Variants in SNX1 observed in about 807,000 individuals in gnomAD.
The protein encoded by SNX1 is sorting nexin 1, also known as sorting nexin-1.
A neutral mutation model predicts 71.8 loss-of-function variants in SNX1; 36 were observed. That is an observed-to-expected ratio of 0.50 (90% CI 0.38 to 0.66). The LOEUF (loss-of-function observed/expected upper bound fraction) is 0.66, where lower values mean the gene tolerates loss of function less well. Ranked by LOEUF, SNX1 falls within the 30% of genes least tolerant of loss-of-function variation. The pLI, the probability that SNX1 is intolerant of heterozygous loss-of-function variation, is 0.00. For missense variants in SNX1, 612 were observed against 646.7 expected, an observed-to-expected ratio of 0.95 and a Z score of 0.58; for synonymous variants, 254 against 240.7, an observed-to-expected ratio of 1.06 and a Z score of -0.51.
intron 4 of SNX1, among the ~76,000 whole-genome samples, chr15:64,120,295 G>A (rs1243688838): frequency 6.0e-5 from 8 of 132,998 alleles, no homozygotes; most frequent in African/African-American, 1.4e-4. Flanking sequence ...TTTTTGAGAC[G>A]GGGTCTCACT....
At chr15:64,125,265 G>T (rs576436214) in intron 5 of SNX1, among the ~76,000 whole-genome samples, 2 of 151,988 alleles carry the variant, frequency 1.3e-5, no homozygotes, top group South Asian at 4.2e-4. Flanking sequence ...GAGTTCGAGA[G>T]CAGCCCGGCC....
intron 1 of SNX1, among the ~76,000 whole-genome samples, chr15:64,098,540 A>G (rs932779473): frequency 1.3e-5 from 2 of 152,170 alleles, no homozygotes; most frequent in African/African-American, 2.4e-5. Flanking sequence ...TAAAAATACA[A>G]AAATTATCTG....
At chr15:64,100,687 T>G (rs1288349878) in intron 1 of SNX1, among the ~76,000 whole-genome samples, 1 of 152,112 alleles carries the variant, frequency 6.6e-6, no homozygotes, top group Non-Finnish European at 1.5e-5. Context: ...ACAAATAGTT[T>G]AGAGAGTTAT....
chr15:64,112,740 G>C (rs1256017350), intron 2 of SNX1, 56 bp downstream of exon 2: 2 of 1,154,938 alleles, frequency 1.7e-6, no homozygotes, highest in Non-Finnish European at 1.2e-6. Flanking sequence ...TTGTTAAGTT[G>C]CTGAGTTAAA....
intron 5 of SNX1, among the ~76,000 whole-genome samples, chr15:64,124,171 T>TATATATATATATATATAC (rs1343629363): frequency 7.0e-6 from 1 of 142,712 alleles, no homozygotes; most frequent in African/African-American, 2.8e-5. Context: ...TATATATATA[T>TATATATATATATATATAC]ATATATATGA....
chr15:64,110,985 C>T (rs1415741986), intron 1 of SNX1, among the ~76,000 whole-genome samples: 3 of 152,138 alleles, frequency 2.0e-5, no homozygotes, highest in Non-Finnish European at 2.9e-5. Context: ...GTTTTAATCT[C>T]CCCCGTGAGC....
rs1199521055 is a variant in SNX1 at position 64,118,230 on chromosome 15, C to G, written c.385C>G (p.Pro129Ala). The change falls in exon 3 of 15, where the codon CCA (proline) becomes GCA (alanine). Residue 129 changes from proline (P) to alanine (A), a missense_variant. Pro to Ala is a conservative substitution (Grantham distance 27, BLOSUM62 -1). Coordinates refer to ENST00000559844, the MANE Select transcript of SNX1 (RefSeq NM_003099.5). ...QEATNSSKPQPTYEELEEEEQ... is the reference protein window; with the variant it reads ...QEATNSSKPQATYEELEEEEQ... The stretch of plus-strand genomic sequence containing the variant: ...AGCCACAAATTCTTCGAAGCCCCAG[C>G]CAACCTATGAGGAGGTGAGGATCTG... The G allele has an allele frequency of 6.2e-7, 1 of 1,613,174 alleles. No homozygotes were observed. The highest frequency in any genetic ancestry group is 2.2e-5 in the East Asian group (1 of 44,884).
rs1158219265 is a variant in SNX1, at chr15:64,140,044, G to C, written c.*2426G>C. 6.6e-6 allele frequency: 1 copy of C among 152,212 alleles called. No individual in the cohort carries two copies. Among genetic ancestry groups the C allele is most frequent in the Non-Finnish European group, 1.5e-5 (1 of 68,044 alleles). The allele number at this position is 152,212 out of a possible 1,614,324, so 9.4% of individuals were successfully genotyped here. A position where few individuals can be genotyped will look rare whatever the true frequency, so the allele number is the denominator to read the frequency against. ...AACTCTGTTCACCGCTTAGGTTGGTGTCTGCCAGATTTCATTTTAAATTTA... is the reference window on the plus strand; with the variant it reads ...AACTCTGTTCACCGCTTAGGTTGGTCTCTGCCAGATTTCATTTTAAATTTA... On this transcript the variant is annotated 3_prime_UTR_variant, in exon 15 of 15. Transcript: ENST00000559844.
intron 11 of SNX1, among the ~76,000 whole-genome samples, chr15:64,132,579 G>A (rs548053635): frequency 1.3e-5 from 2 of 152,176 alleles, no homozygotes; most frequent in Non-Finnish European, 2.9e-5. Flanking sequence ...ATTAGCTGTC[G>A]CATGGCCTCC....
At chr15:64,109,088 A>G (rs1167155808) in intron 1 of SNX1, among the ~76,000 whole-genome samples, 1 of 149,418 alleles carries the variant, frequency 6.7e-6, no homozygotes, top group African/African-American at 2.5e-5. Context: ...ATGCAGACCT[A>G]GGGTAGGCGC....
chr15:64,111,868 A>G (rs978158323), intron 1 of SNX1, among the ~76,000 whole-genome samples: 1 of 152,182 alleles, frequency 6.6e-6, no homozygotes, highest in Non-Finnish European at 1.5e-5. Context: ...TCACTCTGGT[A>G]CCGGTCTGGG....
chr15:64,105,187 C>T (rs1300871292), intron 1 of SNX1, among the ~76,000 whole-genome samples: 1 of 150,436 alleles, frequency 6.6e-6, no homozygotes, highest in African/African-American at 2.5e-5. Flanking sequence ...CCACTGCACT[C>T]CAGCCTGGGG....
chr15:64,133,343 G>A (rs981683179), intron 11 of SNX1, among the ~76,000 whole-genome samples: 2 of 152,240 alleles, frequency 1.3e-5, no homozygotes, highest in Non-Finnish European at 2.9e-5. Context: ...CAGGGTAGCA[G>A]CAGTGACAAT....
intron 6 of SNX1, 94 bp from the exon 7 acceptor site, chr15:64,127,080 C>A (rs975774392): frequency 7.6e-6 from 7 of 919,952 alleles, no homozygotes; most frequent in Non-Finnish European, 1.2e-5. Flanking sequence ...GTGCTAGCCT[C>A]ACTGCCTTTC....
chr15:64,101,292 T>C (rs961074244), intron 1 of SNX1, among the ~76,000 whole-genome samples: 15 of 152,228 alleles, frequency 9.9e-5, no homozygotes, highest in African/African-American at 3.6e-4. Context: ...TCCCTGGTAA[T>C]CAATCACCAT....
intron 5 of SNX1, among the ~76,000 whole-genome samples, chr15:64,125,828 C>A (rs1336487011): frequency 2.0e-5 from 3 of 152,040 alleles, no homozygotes; most frequent in African/African-American, 7.3e-5. Flanking sequence ...TAATTGATTG[C>A]CTTTATAATC....
intron 3 of SNX1, among the ~76,000 whole-genome samples, chr15:64,118,457 A>C (rs1241708473): frequency 1.3e-5 from 2 of 152,244 alleles, no homozygotes; most frequent in African/African-American, 4.8e-5. Flanking sequence ...GTGGTTACTA[A>C]AGATACTTAG....
In SNX1 at chr15:64,134,519, C is replaced by A; in HGVS notation, c.1222-145C>A. ...AGCTTTGCTCCTAGACATTAAACTT[C>A]CCAGCTGGGCACTAACATGTGGCTG... On this transcript the variant is annotated intron_variant, in intron 11 of 14. Transcript: ENST00000559844. This position sits in a 1 kb window ranked among gnomAD's most constrained non-coding sequence, Gnocchi z 4.1. The A allele has an allele frequency of 1.1e-6, 1 of 930,610 alleles. No homozygotes were observed. Among genetic ancestry groups the A allele is most frequent in the Non-Finnish European group, 1.6e-6 (1 of 635,246 alleles). The allele number at this position is 930,610 out of a possible 1,614,324, so 57.6% of individuals were successfully genotyped here.
intron 1 of SNX1, among the ~76,000 whole-genome samples, chr15:64,111,029 T>C (rs1166867211): frequency 6.6e-6 from 1 of 152,222 alleles, no homozygotes; most frequent in Non-Finnish European, 1.5e-5. Context: ...CATGTATCCT[T>C]AATGTATACT....
Sources: allele counts gnomAD v4.1 joint callset (sites outside exome capture counted in the v4.1 genomes callset), GRCh38; gene constraint gnomAD v4.1.1; non-coding constraint Gnocchi (gnomAD v3.1); transcripts MANE v1.5; gene names NCBI Gene and HGNC (gene_info 2026-07-23, HGNC 2026-07-21).